WDFY2: variants seen among roughly 807,000 people sequenced by gnomAD.
WDFY2 encodes WD repeat and FYVE domain-containing protein 2.
WDFY2 carries 36 observed loss-of-function variants against 56.4 expected under a neutral mutation model. That is an observed-to-expected ratio of 0.64 (90% CI 0.49 to 0.84). The LOEUF is 0.84. Among genes scored for constraint, WDFY2 ranks in the 40% least tolerant of loss-of-function variants. The probability of loss-of-function intolerance (pLI) is 0.00; values close to 1 mark genes in which losing one functional copy is unlikely to be tolerated. For synonymous variants in WDFY2, 176 were observed against 183.7 expected (o/e 0.96, Z 0.34); for missense variants, 444 against 512.2 (o/e 0.87, Z 1.29).
At chr13:51,652,388 C>G (rs1955409082) in intron 1 of WDFY2, among the ~76,000 whole-genome samples, 1 of 152,152 alleles carries the variant, frequency 6.6e-6, no homozygotes, top group Non-Finnish European at 1.5e-5. Context: ...TTAATTGGAG[C>G]ATTTAGCCCA....
intron 1 of WDFY2, among the ~76,000 whole-genome samples, chr13:51,631,403 A>AG (rs1164395546): frequency 3.3e-5 from 5 of 151,992 alleles, no homozygotes; most frequent in East Asian, 1.9e-4. Context: ...AAAAAAAAAA[A>AG]AAAAAATTTA....
intron 8 of WDFY2, among the ~76,000 whole-genome samples, chr13:51,752,194 G>T (rs577378431): frequency 1.2e-4 from 18 of 152,210 alleles, no homozygotes; most frequent in Admixed American, 2.0e-4. Context: ...TTTCAAGAGA[G>T]TAGTCGCTAT....
At chr13:51,655,679 T>A (rs1003481087) in intron 1 of WDFY2, among the ~76,000 whole-genome samples, 5 of 152,160 alleles carry the variant, frequency 3.3e-5, no homozygotes, top group African/African-American at 1.2e-4. Flanking sequence ...TTTCATAGAA[T>A]GTGTTATAAA....
intron 4 of WDFY2, among the ~76,000 whole-genome samples, chr13:51,717,099 C>T (rs1952370847): frequency 6.6e-6 from 1 of 152,088 alleles, no homozygotes. Context: ...TGCTTTCCCT[C>T]TAAGATCAGG....
chr13:51,666,154 A>G (rs957163713), intron 2 of WDFY2, among the ~76,000 whole-genome samples: 1 of 152,230 alleles, frequency 6.6e-6, no homozygotes, highest in African/African-American at 2.4e-5. Context: ...TTTGAGAGAA[A>G]GGCTATTTGT....
intron 1 of WDFY2, among the ~76,000 whole-genome samples, chr13:51,655,311 A>G (rs1313239283): frequency 1.3e-5 from 2 of 152,106 alleles, no homozygotes; most frequent in South Asian, 4.1e-4. Context: ...TTTATTGAGT[A>G]TGATGTTAAG....
chr13:51,693,582 T>G (rs1951795124), intron 3 of WDFY2, among the ~76,000 whole-genome samples: 2 of 152,178 alleles, frequency 1.3e-5, no homozygotes, highest in African/African-American at 4.8e-5. Flanking sequence ...TTACATTTGC[T>G]GAGGAGAGCT....
chr13:51,728,000 ATCTATTTTGAAAATGTTGATAAT>A (rs1461940837), intron 6 of WDFY2, among the ~76,000 whole-genome samples: 1 of 152,182 alleles, frequency 6.6e-6, no homozygotes, highest in Non-Finnish European at 1.5e-5. Flanking sequence ...AGAGAAACCA[ATCTATTTTGAAAATGTTGATAAT>A]TTGGTTCTCT....
At chr13:51,586,702 G>A (rs1328528460) in intron 1 of WDFY2, 1 of 152,126 alleles carries the variant, frequency 6.6e-6, no homozygotes, top group Non-Finnish European at 1.5e-5. Context: ...TTGATTATAG[G>A]ATGAAAGAAA....
At chr13:51,674,997 A>T (rs1566106913) in intron 2 of WDFY2, among the ~76,000 whole-genome samples, 173 bp from the exon 3 acceptor site, 1 of 152,186 alleles carries the variant, frequency 6.6e-6, no homozygotes, top group African/African-American at 2.4e-5. Flanking sequence ...CTGAACAACT[A>T]TGGGGTGGCT....
chr13:51,687,822 A>G (rs1956086666), intron 3 of WDFY2, among the ~76,000 whole-genome samples: 1 of 152,108 alleles, frequency 6.6e-6, no homozygotes, highest in African/African-American at 2.4e-5. Context: ...AGCCTAAAAG[A>G]GCTAGAGTCT....
chr13:51,584,613 C>T lies in WDFY2; in HGVS notation c.-75C>T, dbSNP rs1953898569. 4 of 1,520,336 alleles carry T rather than the reference C, an allele frequency of 2.6e-6. No homozygotes were observed. The highest frequency in any genetic ancestry group is 2.7e-5 in the African/African-American group (2 of 73,058). 94.2% of individuals were successfully genotyped at this position (1,520,336 alleles called of 1,614,324 possible). On this transcript the variant is annotated 5_prime_UTR_variant, in exon 1 of 12. Coordinates refer to ENST00000298125, the MANE Select transcript of WDFY2 (RefSeq NM_052950.4). The stretch of plus-strand genomic sequence containing the variant: ...CAGAGTCTCTGTCTCAACCTGTGTC[C>T]GTGCTCCAGCAGTCTCCTCAGCCCG...
Position 51,762,903 on chromosome 13 carries a change from T to C in WDFY2, c.*3134T>C, listed in dbSNP as rs1041163249. 1 of 152,230 alleles carries C rather than the reference T, an allele frequency of 6.6e-6. No homozygotes were observed. Among genetic ancestry groups the C allele is most frequent in the East Asian group, 1.9e-4 (1 of 5,206 alleles). The allele number at this position is 152,230 out of a possible 1,614,324, so 9.4% of individuals were successfully genotyped here. A position where few individuals can be genotyped will look rare whatever the true frequency, so the allele number is the denominator to read the frequency against. On this transcript the variant is annotated 3_prime_UTR_variant, in exon 12 of 12. Transcript: ENST00000298125. ...TCTTGGTTCCTCCAAACGAATGACATTACTTGACATTACTGCCTGAGTGTA... is the reference window on the plus strand; with the variant it reads ...TCTTGGTTCCTCCAAACGAATGACACTACTTGACATTACTGCCTGAGTGTA...
rs1244137291 is a variant in WDFY2, at chr13:51,751,312, ACAGAGTC to A, written c.732_738del (p.Val245ProfsTer11). The stretch of plus-strand genomic sequence containing the variant: ...ATAACCCTTGGTTTCTTTCACAGCG[ACAGAGTC>A]CAGGCCCTCTCCTATGCACAGCACA... On this transcript the variant is annotated frameshift_variant, in exon 8 of 12. Transcript: ENST00000298125. LOFTEE classifies it high-confidence loss of function. 2 of 1,612,536 alleles carry A rather than the reference ACAGAGTC, an allele frequency of 1.2e-6. No homozygotes were observed. The highest frequency in any genetic ancestry group is 1.7e-6 in the Non-Finnish European group (2 of 1,179,396).
At chr13:51,671,208 T>G (rs1398728241) in intron 2 of WDFY2, among the ~76,000 whole-genome samples, 1 of 152,184 alleles carries the variant, frequency 6.6e-6, no homozygotes, top group Non-Finnish European at 1.5e-5. Context: ...TATAATGACT[T>G]CTTTTTGTCT....
chr13:51,636,798 G>T (rs923592348), intron 1 of WDFY2, among the ~76,000 whole-genome samples: 1 of 152,174 alleles, frequency 6.6e-6, no homozygotes, highest in Admixed American at 6.5e-5. Context: ...CGTTTATATG[G>T]TCACTTTATT....
chr13:51,758,857 A>G (rs1449656964), intron 11 of WDFY2, among the ~76,000 whole-genome samples: 1 of 152,196 alleles, frequency 6.6e-6, no homozygotes, highest in Non-Finnish European at 1.5e-5. Flanking sequence ...TTTGGAAGCT[A>G]CCAGATCTCC....
Position 51,584,788 on chromosome 13 carries a change from C to T in WDFY2, c.101C>T (p.Pro34Leu). ...GTGGTGAATATGGCCGTGATCGTGC[C>T]CAAAGAGGAGGGCGTCATCAGCGTC... ...QEVVNMAVIV[P>L]KEEGVISVSE... The change falls in exon 1 of 12, where the codon CCC becomes CTC. Residue 34 changes from proline (P) to leucine (L), a missense_variant. Pro to Leu is a moderately conservative substitution (Grantham distance 98). Transcript: ENST00000298125. The T allele has an allele frequency of 6.2e-7, 1 of 1,613,946 alleles. No homozygotes were observed. Among genetic ancestry groups the T allele is most frequent in the Non-Finnish European group, 8.5e-7 (1 of 1,179,822 alleles).
intron 4 of WDFY2, among the ~76,000 whole-genome samples, chr13:51,710,884 A>G (rs886519497): frequency 4.6e-5 from 7 of 152,218 alleles, no homozygotes; most frequent in Non-Finnish European, 7.3e-5. Flanking sequence ...TATATATTCA[A>G]TGCCATCTCC....
Sources: allele counts gnomAD v4.1 joint callset (sites outside exome capture counted in the v4.1 genomes callset), GRCh38; gene constraint gnomAD v4.1.1; transcripts MANE v1.5; gene names NCBI Gene and HGNC (gene_info 2026-07-23, HGNC 2026-07-21).